The following SEPTIN2 variants were observed in gnomAD, a reference collection of about 807,000 sequenced individuals.
The protein encoded by SEPTIN2 is septin 2.
SEPTIN2 carries 34 observed loss-of-function variants against 46.5 expected under a neutral mutation model. The observed-to-expected ratio is 0.73, with a 90% confidence interval of 0.56 to 0.97. The LOEUF is 0.97. Ranked by LOEUF, SEPTIN2 falls within the 50% of genes least tolerant of loss-of-function variation. The pLI is 0.00. For synonymous variants in SEPTIN2, 175 were observed against 153.4 expected (o/e 1.14, Z -1.04); for missense variants, 347 against 448.4 (o/e 0.77, Z 2.04).
chr2:241,317,535 A>G (rs1019397278), intron 1 of SEPTIN2: 1 of 950,592 alleles, frequency 1.1e-6, no homozygotes, highest in East Asian at 1.2e-4. Flanking sequence ...AGTTGTGGGT[A>G]TTTTTTTTTT....
chr2:241,335,449 A>G (rs562105480), intron 4 of SEPTIN2: 2 of 1,091,812 alleles, frequency 1.8e-6, no homozygotes, highest in Non-Finnish European at 2.7e-6. Context: ...TGTAAAATGT[A>G]ATAAGTAGTT....
At chr2:241,316,334 T>G in intron 1 of SEPTIN2, 1 of 471,004 alleles carries the variant, frequency 2.1e-6, no homozygotes, top group East Asian at 3.9e-5. Context: ...GTTTGGTGCT[T>G]GGAGGGAGGA....
Position 241,346,709 on chromosome 2 carries a change from C to T in SEPTIN2, c.926+460C>T, listed in dbSNP as rs151020013. ...TGGGAGGTGCAGTGAGCCATAATTG[C>T]ACCACTGCACTTTATCCTGGGCAAT... On this transcript the variant is annotated intron_variant, in intron 10 of 12. Coordinates refer to ENST00000391971, the MANE Select transcript of SEPTIN2 (RefSeq NM_004404.5). 688 of 152,602 alleles carry T rather than the reference C, an allele frequency of 4.5e-3. 8 individuals carry two copies. The highest frequency in any genetic ancestry group is 4.5e-3 in the Admixed American group (69 of 15,330). 9.5% of individuals were successfully genotyped at this position (152,602 alleles called of 1,614,324 possible).
At position 241,335,244 on chromosome 2, in the gene SEPTIN2, A is replaced by G. The variant is rs139094459; in HGVS notation, c.217+32A>G. On this transcript the variant is annotated intron_variant, in intron 4 of 12. Coordinates refer to ENST00000391971, the MANE Select transcript of SEPTIN2 (RefSeq NM_004404.5). ...ACATTCTTATGTTACTGTAAGTGTAATTCTACATGAAAGATGCTGAAGACT... is the reference window on the plus strand; with the variant it reads ...ACATTCTTATGTTACTGTAAGTGTAGTTCTACATGAAAGATGCTGAAGACT... 1.4e-5 allele frequency: 22 copies of G among 1,605,478 alleles called. No individual in the cohort carries two copies. The African/African-American group carries it at 2.4e-4, about 18-fold the overall frequency.
At chr2:241,330,687 ATTG>A (rs1373754040) in intron 3 of SEPTIN2, among the ~76,000 whole-genome samples, 1 of 152,246 alleles carries the variant, frequency 6.6e-6, no homozygotes, top group South Asian at 2.1e-4. Context: ...TTACTCTGCT[ATTG>A]TTCCGTAATG....
At chr2:241,322,529 C>G (rs1335409192) in intron 1 of SEPTIN2, among the ~76,000 whole-genome samples, 1 of 151,704 alleles carries the variant, frequency 6.6e-6, no homozygotes, top group East Asian at 1.9e-4. Flanking sequence ...AGGGCGTGAA[C>G]CCAGGAGGTG....
rs779714172 is a variant in SEPTIN2 at position 241,346,266 on chromosome 2, C to A, written c.926+17C>A. On this transcript the variant is annotated intron_variant, in intron 10 of 12. Coordinates refer to ENST00000391971, the MANE Select transcript of SEPTIN2 (RefSeq NM_004404.5). ...AGGCGGCAGGTCATCACACTGTGCC[C>A]CTTTCTCTGTATTGTGTCACCCTGA... 1 of 1,606,892 alleles carries A rather than the reference C, an allele frequency of 6.2e-7. No individual in the cohort carries two copies. Among genetic ancestry groups the A allele is most frequent in the South Asian group, 1.1e-5 (1 of 90,844 alleles).
chr2:241,346,272 T>A lies in SEPTIN2; in HGVS notation c.926+23T>A, dbSNP rs372937413. The A allele has an allele frequency of 4.2e-4, 679 of 1,599,402 alleles. 5 individuals are homozygous for A. Among genetic ancestry groups the A allele is most frequent in the Middle Eastern group, 2.2e-3 (13 of 6,024 alleles). On this transcript the variant is annotated intron_variant, in intron 10 of 12. Transcript: ENST00000391971. ...CAGGTCATCACACTGTGCCCCTTTCTCTGTATTGTGTCACCCTGAGCCACA... is the reference window on the plus strand; with the variant it reads ...CAGGTCATCACACTGTGCCCCTTTCACTGTATTGTGTCACCCTGAGCCACA...
At chr2:241,327,786 C>T (rs1211361736) in intron 3 of SEPTIN2, among the ~76,000 whole-genome samples, 1 of 152,116 alleles carries the variant, frequency 6.6e-6, no homozygotes, top group African/African-American at 2.4e-5. Context: ...TGTGGTGGCT[C>T]ATGCCTGTAA....
At chr2:241,316,693 G>T in intron 1 of SEPTIN2, 3 of 542,972 alleles carry the variant, frequency 5.5e-6, no homozygotes, top group Non-Finnish European at 9.2e-6. Flanking sequence ...GACAAACCTG[G>T]CTTGCTTTTT....
At chr2:241,323,544 A>G (rs1438812864) in intron 1 of SEPTIN2, among the ~76,000 whole-genome samples, 1 of 152,182 alleles carries the variant, frequency 6.6e-6, no homozygotes, top group Non-Finnish European at 1.5e-5. Flanking sequence ...AGGCGTGAGC[A>G]TCACGTCTGG....
In SEPTIN2 at chr2:241,348,120, C is replaced by T. The variant is rs1308271920; in HGVS notation, c.927-14C>T. 3.1e-6 allele frequency: 5 copies of T among 1,607,112 alleles called. No homozygotes were observed. Among genetic ancestry groups the T allele is most frequent in the Non-Finnish European group, 4.3e-6 (5 of 1,175,914 alleles). On this transcript the variant is annotated splice_polypyrimidine_tract_variant and intron_variant, in intron 10 of 12. Coordinates refer to ENST00000391971, the MANE Select transcript of SEPTIN2 (RefSeq NM_004404.5). ...TGTTGCAGTGTTATGATTCTGATTT[C>T]TTTCGATTCTTAGGAAAGTGGAGAA...
chr2:241,344,746 A>G (rs2081764283), intron 9 of SEPTIN2, among the ~76,000 whole-genome samples: 1 of 151,980 alleles, frequency 6.6e-6, no homozygotes, highest in Non-Finnish European at 1.5e-5. Flanking sequence ...ATATTGTAAC[A>G]TGCATACATT....
chr2:241,320,783 C>A (rs149584888), intron 1 of SEPTIN2, among the ~76,000 whole-genome samples: 8 of 152,040 alleles, frequency 5.3e-5, no homozygotes, highest in African/African-American at 1.4e-4. Context: ...GAGCAAAACT[C>A]CATCTCAAAA....
intron 9 of SEPTIN2, among the ~76,000 whole-genome samples, chr2:241,344,138 C>G (rs1036788539): frequency 2.0e-5 from 3 of 152,090 alleles, no homozygotes; most frequent in Non-Finnish European, 4.4e-5. Flanking sequence ...GCCTGCAGTA[C>G]CTTTCCTTCT....
In SEPTIN2 at chr2:241,340,679, C is replaced by T. The variant is rs970407871; in HGVS notation, c.595-2313C>T. 2.0e-5 allele frequency among the ~76,000 whole-genome samples: 3 copies of T among 152,126 alleles called. No individual in the cohort carries two copies. In the South Asian group the frequency reaches 6.2e-4, roughly 31 times the overall value. The stretch of plus-strand genomic sequence containing the variant: ...AATGCTGTAATTCTAATCTCTAATC[C>T]TGTATGCGAAACATTTAGTGCTGGA... On this transcript the variant is annotated intron_variant, in intron 7 of 12. Transcript: ENST00000391971.
chr2:241,323,865 A>C (rs1463562065), intron 1 of SEPTIN2, among the ~76,000 whole-genome samples: 4 of 152,240 alleles, frequency 2.6e-5, no homozygotes, highest in Non-Finnish European at 5.9e-5. Flanking sequence ...TTACACTTGA[A>C]GGGATTTGTT....
chr2:241,341,953 G>A (rs1302546423), intron 7 of SEPTIN2, among the ~76,000 whole-genome samples: 4 of 152,124 alleles, frequency 2.6e-5, no homozygotes, highest in Non-Finnish European at 5.9e-5. Context: ...GAATGCATTC[G>A]TATTTCAACT....
chr2:241,341,456 A>G lies in SEPTIN2; in HGVS notation c.595-1536A>G, dbSNP rs546088049. On this transcript the variant is annotated intron_variant, in intron 7 of 12. Coordinates refer to ENST00000391971, the MANE Select transcript of SEPTIN2 (RefSeq NM_004404.5). ...TAAGCTCCATCTTTATGAGGCCAGC[A>G]TAGGACAAAAGATGAGGTTAGCATG... is the stretch of plus-strand genomic sequence containing the variant. Among the ~76,000 whole-genome samples the G allele has an allele frequency of 1.1e-4, 16 of 152,312 alleles. 1 individual carries two copies. In the South Asian group the frequency reaches 1.5e-3, roughly 14 times the overall value.
Sources: gnomAD v4.1 joint callset for allele counts (sites outside exome capture counted in the v4.1 genomes callset) on GRCh38, gnomAD v4.1.1 for gene constraint, MANE v1.5 for transcripts, NCBI Gene and HGNC (gene_info 2026-07-23, HGNC 2026-07-21) for gene names.